Variants in NCOA7 observed in about 807,000 individuals in gnomAD.
The protein encoded by NCOA7 is 140 kDa estrogen receptor-associated protein.
NCOA7 carries 45 observed loss-of-function variants against 104.3 expected under a neutral mutation model. That is an observed-to-expected ratio of 0.43 (90% CI 0.34 to 0.55). NCOA7 has a LOEUF of 0.55. NCOA7 is among the 20% of genes least tolerant of loss of function. NCOA7 has a pLI of 0.02. For missense variants in NCOA7, 1,041 were observed against 1,119.7 expected (o/e 0.93, Z 1.00); for synonymous variants, 398 against 402.3 (o/e 0.99, Z 0.13).
chr6:125,847,325 T>A (rs1438640517), intron 2 of NCOA7, among the ~76,000 whole-genome samples: 1 of 152,166 alleles, frequency 6.6e-6, no homozygotes, highest in African/African-American at 2.4e-5. Context: ...TCCAATAGAG[T>A]AACCACTAGG....
intron 10 of NCOA7, among the ~76,000 whole-genome samples, chr6:125,900,496 C>T (rs1187366877): frequency 6.6e-6 from 1 of 152,100 alleles, no homozygotes; most frequent in Non-Finnish European, 1.5e-5. Context: ...TTTTTCTTTC[C>T]AGCTTTATTG....
In NCOA7 at chr6:125,881,146, C is replaced by T; in HGVS notation, c.516C>T (p.Ser172=). The change falls in exon 6 of 16, where the codon TCC becomes TCT. Residue 172 remains serine, a synonymous_variant. Coordinates refer to ENST00000392477, the MANE Select transcript of NCOA7 (RefSeq NM_181782.5). ...CCAGTACCTTAAGGCTATCATCATC[C>T]AGTCCTGGTGCTACTGTCTCTCCTT... ...SPSSTLRLSS[S]SPGATVSPSS... 1 of 1,614,028 alleles carries T rather than the reference C, an allele frequency of 6.2e-7. No homozygotes were observed. Among genetic ancestry groups the T allele is most frequent in the Non-Finnish European group, 8.5e-7 (1 of 1,179,942 alleles).
chr6:125,871,436 A>G (rs1002497031), intron 3 of NCOA7, among the ~76,000 whole-genome samples: 4 of 152,222 alleles, frequency 2.6e-5, no homozygotes, highest in African/African-American at 9.6e-5. Flanking sequence ...ATTGAGACAC[A>G]TAGTTAACCA....
In NCOA7 at chr6:125,930,337, A is replaced by G. The variant is rs1788392154; in HGVS notation, c.*1566A>G. ...GTGCCACTGCACTCTATCCTGGGTA[A>G]CAGCGAGACTCTGTCTTAAAAATAA... On this transcript the variant is annotated 3_prime_UTR_variant, in exon 16 of 16. Transcript: ENST00000392477. 1 of 152,596 alleles carries G rather than the reference A, an allele frequency of 6.6e-6. No homozygotes were observed. The highest frequency in any genetic ancestry group is 2.4e-5 in the African/African-American group (1 of 41,454). 9.5% of individuals were successfully genotyped at this position (152,596 alleles called of 1,614,324 possible). A position where few individuals can be genotyped will look rare whatever the true frequency, so the allele number is the denominator to read the frequency against.
chr6:125,859,727 A>C (rs1043288964), intron 3 of NCOA7, among the ~76,000 whole-genome samples: 1 of 152,240 alleles, frequency 6.6e-6, no homozygotes, highest in Non-Finnish European at 1.5e-5. Flanking sequence ...GTAGGTATCT[A>C]TTCCACATCT....
chr6:125,792,483 C>T (rs540513915), intron 1 of NCOA7, among the ~76,000 whole-genome samples: 4 of 152,228 alleles, frequency 2.6e-5, no homozygotes, highest in African/African-American at 9.6e-5. Flanking sequence ...TTGTAAGTTA[C>T]GCCAGAGGAA....
Position 125,889,551 on chromosome 6 carries a change from G to C in NCOA7, c.1497G>C (p.Gln499His). ...ATATAATGCCAGAAGTGGACAAGCA[G>C]TCTGGTTCGCCAGAAAGCCGAGTAG... ...KQDIMPEVDKQSGSPESRVEN... is the reference protein window; with the variant it reads ...KQDIMPEVDKHSGSPESRVEN... The change falls in exon 9 of 16, where the codon CAG (glutamine) becomes CAC (histidine). Residue 499 changes from glutamine to histidine, a missense_variant. Transcript: ENST00000392477. 1 of 1,614,040 alleles carries C rather than the reference G, an allele frequency of 6.2e-7. No individual in the cohort carries two copies. The highest frequency in any genetic ancestry group is 8.5e-7 in the Non-Finnish European group (1 of 1,179,958).
chr6:125,857,437 A>G (rs1781654642), intron 3 of NCOA7, among the ~76,000 whole-genome samples: 1 of 127,840 alleles, frequency 7.8e-6, no homozygotes, highest in African/African-American at 4.2e-5. Flanking sequence ...ACATATATAT[A>G]TATATTTTTT....
intron 3 of NCOA7, among the ~76,000 whole-genome samples, chr6:125,867,572 T>C (rs1016459954): frequency 1.3e-5 from 2 of 152,352 alleles, no homozygotes; most frequent in African/African-American, 4.8e-5. Context: ...TAGCCTCTGA[T>C]GAATGGCAGG....
chr6:125,907,794 C>A (rs2128679507), intron 10 of NCOA7, among the ~76,000 whole-genome samples: 2 of 152,234 alleles, frequency 1.3e-5, no homozygotes, highest in East Asian at 3.9e-4. Context: ...TAATACATGC[C>A]TCATAGAGTT....
intron 1 of NCOA7, among the ~76,000 whole-genome samples, chr6:125,813,639 G>A (rs1287624604): frequency 2.0e-5 from 3 of 151,634 alleles, no homozygotes; most frequent in Admixed American, 6.6e-5. Context: ...TTAGAGAGAT[G>A]GGGTTTCACT....
At chr6:125,815,093 T>C in intron 1 of NCOA7, 198 bp from the exon 2 acceptor site, 1 of 286,072 alleles carries the variant, frequency 3.5e-6, no homozygotes, top group Non-Finnish European at 6.5e-6. Flanking sequence ...CAGGTTTTGC[T>C]TTATAGTTTA....
chr6:125,878,259 C>T lies in NCOA7; in HGVS notation c.352-4C>T, dbSNP rs2128644003. 2 of 1,601,760 alleles carry T rather than the reference C, an allele frequency of 1.2e-6. No homozygotes were observed. Among genetic ancestry groups the T allele is most frequent in the Non-Finnish European group, 1.7e-6 (2 of 1,174,504 alleles). ...ATTGACTCTTACCTGTTTGATTATT[C>T]TAGGCTGGAAACCAGGACACCCTAA... On this transcript the variant is annotated splice_region_variant and splice_polypyrimidine_tract_variant and intron_variant, in intron 4 of 15. Transcript: ENST00000392477.
intron 1 of NCOA7, among the ~76,000 whole-genome samples, chr6:125,801,640 T>A (rs996906616): frequency 6.6e-6 from 1 of 152,184 alleles, no homozygotes; most frequent in Admixed American, 6.5e-5. Context: ...GAAGAATCCT[T>A]CCTTTTCTCT....
intron 1 of NCOA7, among the ~76,000 whole-genome samples, chr6:125,796,279 A>T (rs1775319963): frequency 6.6e-6 from 1 of 151,302 alleles, no homozygotes; most frequent in Non-Finnish European, 1.5e-5. Flanking sequence ...AAGATTGATA[A>T]AAAAAAATTA....
In NCOA7 at chr6:125,828,496, A is replaced by G. The variant is rs187294251; in HGVS notation, c.50+13092A>G. Among the ~76,000 whole-genome samples the G allele has an allele frequency of 1.2e-4, 18 of 152,312 alleles. No individual in the cohort carries two copies. In the East Asian group the frequency reaches 3.5e-3, roughly 29 times the overall value. On this transcript the variant is annotated intron_variant, in intron 2 of 15. Transcript: ENST00000392477. ...GGAAATCGGCTGGGAAGGGAAGCCA[A>G]ATATTCAGGCCTTGGCAGGAGGAAG...
chr6:125,875,324 G>A (rs1783270161), intron 4 of NCOA7: 1 of 182,148 alleles, frequency 5.5e-6, no homozygotes, highest in Non-Finnish European at 1.2e-5. Context: ...TTCCCCAATA[G>A]AGGAGGACAT....
chr6:125,887,167 T>C (rs192170253), intron 8 of NCOA7, among the ~76,000 whole-genome samples: 32 of 152,308 alleles, frequency 2.1e-4, no homozygotes, highest in African/African-American at 7.7e-4. Context: ...AGAAAGCTAA[T>C]TAGAGTGCAG....
At chr6:125,846,449 C>A (rs1453392073) in intron 2 of NCOA7, among the ~76,000 whole-genome samples, 1 of 151,670 alleles carries the variant, frequency 6.6e-6, no homozygotes, top group South Asian at 2.1e-4. Flanking sequence ...CAGACAGGAC[C>A]TTGAAAATCA....
Sources: allele counts gnomAD v4.1 joint callset (sites outside exome capture counted in the v4.1 genomes callset), GRCh38; gene constraint gnomAD v4.1.1; transcripts MANE v1.5; gene names NCBI Gene and HGNC (gene_info 2026-07-23, HGNC 2026-07-21).